The following SGCZ variants were observed in gnomAD, a reference collection of about 807,000 sequenced individuals.
SGCZ encodes the protein sarcoglycan zeta, also known as zeta-sarcoglycan.
Under a neutral mutation model 41.3 loss-of-function variants are expected in SGCZ, and 40 were observed. The ratio of observed to expected loss-of-function variants is 0.97; its 90% CI spans 0.75 to 1.26. The LOEUF (loss-of-function observed/expected upper bound fraction) is 1.26. SGCZ is among the 50% of genes most tolerant of loss of function. The pLI, the probability that SGCZ is intolerant of heterozygous loss-of-function variation, is 0.00. For synonymous variants in SGCZ, 206 were observed against 137.5 expected, an observed-to-expected ratio of 1.50 and a Z score of -3.49; for missense variants, 552 against 369.8, an observed-to-expected ratio of 1.49 and a Z score of -4.04.
At chr8:14,991,094 C>T (rs1008672978) in intron 1 of SGCZ, among the ~76,000 whole-genome samples, 1 of 152,120 alleles carries the variant, frequency 6.6e-6, no homozygotes, top group African/African-American at 2.4e-5. Context: ...CATACCACTC[C>T]AAAACAAATA....
chr8:14,735,142 G>A (rs1798988677), intron 1 of SGCZ, among the ~76,000 whole-genome samples: 1 of 152,162 alleles, frequency 6.6e-6, no homozygotes. Context: ...TTTCTCAGGA[G>A]GAAAATTGGT....
At chr8:15,045,000 A>T (rs1804248654) in intron 1 of SGCZ, among the ~76,000 whole-genome samples, 1 of 152,120 alleles carries the variant, frequency 6.6e-6, no homozygotes, top group African/African-American at 2.4e-5. Context: ...TCATGATTGC[A>T]AGATTTATAC....
chr8:14,287,576 C>T (rs1039969528), intron 3 of SGCZ, among the ~76,000 whole-genome samples: 1 of 152,074 alleles, frequency 6.6e-6, no homozygotes, highest in African/African-American at 2.4e-5. Flanking sequence ...ACAAAATGCT[C>T]TTTGAACTAG....
chr8:14,769,543 G>C (rs1268149844), intron 1 of SGCZ, among the ~76,000 whole-genome samples: 5 of 152,128 alleles, frequency 3.3e-5, no homozygotes, highest in African/African-American at 1.2e-4. Flanking sequence ...TGTAATCCCA[G>C]CACTTTGGGA....
intron 1 of SGCZ, among the ~76,000 whole-genome samples, chr8:15,213,419 G>C (rs1801301301): frequency 6.6e-6 from 1 of 151,234 alleles, no homozygotes; most frequent in Non-Finnish European, 1.5e-5. Flanking sequence ...TTCTATATGT[G>C]AAACATTAAA....
In SGCZ at chr8:14,107,465, CCAGTT is replaced by C. The variant is rs565631302; in HGVS notation, c.620+693_620+697del. On this transcript the variant is annotated intron_variant, in intron 6 of 7. Coordinates refer to ENST00000382080, the MANE Select transcript of SGCZ (RefSeq NM_139167.4). ...TTAGACTGAGGAACCCCATCATAGT[CCAGTT>C]AAGTTCTGCCTTTGTCTGATTTGCT... 1.6e-4 allele frequency among the ~76,000 whole-genome samples: 24 copies of C among 152,184 alleles called. No homozygotes were observed. In the South Asian group the frequency reaches 2.9e-3, roughly 18 times the overall value.
chr8:14,344,247 CT>C, intron 2 of SGCZ, among the ~76,000 whole-genome samples: 1 of 151,672 alleles, frequency 6.6e-6, no homozygotes, highest in East Asian at 1.9e-4. Context: ...AATATCTAAG[CT>C]ATTTTAATTG....
chr8:14,425,536 G>A (rs932115534), intron 2 of SGCZ, among the ~76,000 whole-genome samples: 2 of 151,872 alleles, frequency 1.3e-5, no homozygotes, highest in African/African-American at 2.4e-5. Context: ...CAGGAGAACT[G>A]CTTGAAACCA....
chr8:14,892,794 G>T (rs186072654), intron 1 of SGCZ, among the ~76,000 whole-genome samples: 1 of 152,172 alleles, frequency 6.6e-6, no homozygotes, highest in South Asian at 2.1e-4. Context: ...TTTGCTGGTG[G>T]ATTGTACCCA....
chr8:14,251,277 C>A (rs1264952463), intron 3 of SGCZ, among the ~76,000 whole-genome samples: 2 of 152,080 alleles, frequency 1.3e-5, no homozygotes, highest in Non-Finnish European at 2.9e-5. Flanking sequence ...TACTCAAAGG[C>A]ACTGATATCT....
chr8:14,778,129 G>C (rs898250994), intron 1 of SGCZ, among the ~76,000 whole-genome samples: 4 of 151,970 alleles, frequency 2.6e-5, no homozygotes, highest in African/African-American at 9.7e-5. Flanking sequence ...GGTCTCAACT[G>C]ATTGTCCCGG....
chr8:14,840,385 GATTT>G (rs1485272649), intron 1 of SGCZ, among the ~76,000 whole-genome samples: 1 of 152,026 alleles, frequency 6.6e-6, no homozygotes, highest in African/African-American at 2.4e-5. Flanking sequence ...AATTCACATT[GATTT>G]ATTTGAATAT....
At chr8:14,830,001 C>T (rs1392736871) in intron 1 of SGCZ, among the ~76,000 whole-genome samples, 1 of 152,040 alleles carries the variant, frequency 6.6e-6, no homozygotes, top group Non-Finnish European at 1.5e-5. Flanking sequence ...TTAGTAGAGA[C>T]GGGGTTTTCA....
rs147503917 is a variant in SGCZ at position 14,475,612 on chromosome 8, C to A, written c.234+79120G>T. On this transcript the variant is annotated intron_variant, in intron 2 of 7. Transcript: ENST00000382080. ...TGGTTGGATTTTATTTACAAGACAA[C>A]TTTGTGCTATAAATTGTTGGAGATA... Among the ~76,000 whole-genome samples, 22 of 152,238 alleles carry A rather than the reference C, an allele frequency of 1.4e-4. 1 individual carries two copies. The East Asian group carries it at 3.3e-3, about 23-fold the overall frequency.
At chr8:14,256,853 T>G (rs1224005164) in intron 3 of SGCZ, among the ~76,000 whole-genome samples, 7 of 152,218 alleles carry the variant, frequency 4.6e-5, no homozygotes, top group Non-Finnish European at 8.8e-5. Flanking sequence ...TAATTACAGC[T>G]AAATTAATTA....
intron 5 of SGCZ, among the ~76,000 whole-genome samples, chr8:14,139,736 A>C (rs1007478902): frequency 5.3e-5 from 8 of 152,208 alleles, no homozygotes; most frequent in African/African-American, 1.4e-4. Context: ...ATGGATTCAC[A>C]GCCAAACACT....
chr8:14,781,827 A>T (rs1298611987), intron 1 of SGCZ, among the ~76,000 whole-genome samples: 2 of 152,202 alleles, frequency 1.3e-5, no homozygotes, highest in Admixed American at 6.5e-5. Flanking sequence ...GGGCAAAATC[A>T]TTGAACAAAA....
chr8:14,981,893 TAATCCCAGCACTTTGG>T (rs1482966650), intron 1 of SGCZ, among the ~76,000 whole-genome samples: 10 of 152,210 alleles, frequency 6.6e-5, no homozygotes, highest in Admixed American at 2.0e-4. Flanking sequence ...CTCACACCTG[TAATCCCAGCACTTTGG>T]GAGGCTGAAG....
chr8:14,241,781 T>C (rs1398807694), intron 3 of SGCZ, among the ~76,000 whole-genome samples: 2 of 152,196 alleles, frequency 1.3e-5, no homozygotes, highest in Non-Finnish European at 2.9e-5. Context: ...CTGCTTACAA[T>C]TCTGTTACAC....
Sources: gnomAD v4.1 joint callset for allele counts (sites outside exome capture counted in the v4.1 genomes callset) on GRCh38, gnomAD v4.1.1 for gene constraint, MANE v1.5 for transcripts, NCBI Gene and HGNC (gene_info 2026-07-23, HGNC 2026-07-21) for gene names.